The following FBXL18 variants were observed in gnomAD, a reference collection of about 807,000 sequenced individuals.
FBXL18 encodes the protein F-box/LRR-repeat protein 18.
Under a neutral mutation model 46.0 loss-of-function variants are expected in FBXL18, and 36 were observed. The observed-to-expected ratio is 0.78, with a 90% CI of 0.60 to 1.03. FBXL18 has a LOEUF of 1.03. Among genes scored for constraint, FBXL18 ranks in the 50% least tolerant of loss-of-function variants. The probability of loss-of-function intolerance (pLI) is 0.00; values close to 1 mark genes in which losing one functional copy is unlikely to be tolerated. For synonymous variants in FBXL18, 557 were observed against 465.3 expected, an observed-to-expected ratio of 1.20 and a Z score of -2.54; for missense variants, 977 against 1,004.1, an observed-to-expected ratio of 0.97 and a Z score of 0.36.
chr7:5,506,379 C>G lies in FBXL18; in HGVS notation c.19-749G>C, dbSNP rs188483975. On this transcript the variant is annotated intron_variant, in intron 1 of 4. Coordinates refer to ENST00000382368, the MANE Select transcript of FBXL18 (RefSeq NM_024963.6). ...TTCTCCTGGCTCAGCCTCCCAAGTA[C>G]GTGGGATTACAGGCGACTGCCACCA... Among the ~76,000 whole-genome samples the G allele has an allele frequency of 2.0e-4, 31 of 151,796 alleles. No individual in the cohort carries two copies. The South Asian group carries it at 3.9e-3, about 19-fold the overall frequency.
In FBXL18 at chr7:5,468,173, C is replaced by T. The variant is rs904528179; in HGVS notation, c.2001-20330G>A. On this transcript the variant is annotated intron_variant and NMD_transcript_variant, in intron 4 of 6. Coordinates refer to the FBXL18 transcript ENST00000415009. ...AATTTTTCTGTATTTTTAGTAGAGA[C>T]GGGGTTTCACCGTGTTAGCCAGGAT... Among the ~76,000 whole-genome samples the T allele has an allele frequency of 6.6e-5, 10 of 152,042 alleles. No individual in the cohort carries two copies. The East Asian group carries it at 7.7e-4, about 12-fold the overall frequency.
At chr7:5,513,347 G>A (rs1384833986) in intron 1 of FBXL18, among the ~76,000 whole-genome samples, 2 of 152,126 alleles carry the variant, frequency 1.3e-5, no homozygotes, top group East Asian at 1.9e-4. Flanking sequence ...CAAGGAACCG[G>A]GGCACTGAGA....
chr7:5,482,927 A>T (rs1049823534), intron 4 of FBXL18, among the ~76,000 whole-genome samples: 24 of 151,916 alleles, frequency 1.6e-4, no homozygotes, highest in Non-Finnish European at 3.1e-4. Flanking sequence ...CACCTCAGCT[A>T]CTTGGGAGGC....
intron 3 of FBXL18, among the ~76,000 whole-genome samples, chr7:5,493,655 T>TTGTG (rs150913470): frequency 4.1e-5 from 6 of 144,924 alleles, no homozygotes; most frequent in African/African-American, 5.1e-5. Flanking sequence ...TTATTTACTT[T>TTGTG]TGTGTGTGTG....
rs1272731012 is a variant in FBXL18 at position 5,491,290 on chromosome 7, G to A, written c.1941C>T (p.His647=). 31 of 1,613,026 alleles carry A rather than the reference G, an allele frequency of 1.9e-5. No homozygotes were observed. Among genetic ancestry groups the A allele is most frequent in the Non-Finnish European group, 2.5e-5 (29 of 1,179,914 alleles). The change falls in exon 4 of 5, where the codon CAC becomes CAT. Residue 647 remains histidine (H), a synonymous_variant. Transcript: ENST00000382368. ...TGGCGAGGGACTCCCCGGTGAACAG[G>A]TGGCACATGACAACCTGCAGGCAGC... The part of the protein sequence containing the change: ...MARCLQVVMC[H]LFTGESLATC...
At chr7:5,475,041 A>G (rs1783487764), downstream of FBXL18, among the ~76,000 whole-genome samples, 1 of 143,800 alleles carries the variant, frequency 7.0e-6, no homozygotes, top group African/African-American at 2.5e-5. The surrounding 1 kb of genome is among the most constrained non-coding windows in gnomAD (Gnocchi z 4.2). Context: ...AAGATGGTCC[A>G]GGCCTGGTGG....
At chr7:5,508,003 T>A (rs941407148) in intron 1 of FBXL18, among the ~76,000 whole-genome samples, 2 of 151,020 alleles carry the variant, frequency 1.3e-5, no homozygotes, top group African/African-American at 2.4e-5. Flanking sequence ...ACGTGGTGGC[T>A]CACGCCTGTA....
In FBXL18 at chr7:5,500,976, G is replaced by A. The variant is rs769956139; in HGVS notation, c.1293C>T (p.Arg431=). The A allele has an allele frequency of 1.2e-5, 19 of 1,543,554 alleles. No homozygotes were observed. The highest frequency in any genetic ancestry group is 1.5e-5 in the Non-Finnish European group (17 of 1,151,584). ...CCGGCTGGGCGGGCGCGCGGTCGGC[G>A]CGCGGCGCGGAGTCAGCGACAGAGC... is the stretch of plus-strand genomic sequence containing the variant. The part of the protein sequence containing the change: ...PVCSVADSAP[R]ADRAPAQPAM... Residue 431 remains arginine (R), a synonymous_variant, in exon 3 of 5, where the codon CGC becomes CGT. Coordinates refer to ENST00000382368, the MANE Select transcript of FBXL18 (RefSeq NM_024963.6).
At chr7:5,493,516 C>T (rs1038136648) in intron 3 of FBXL18, among the ~76,000 whole-genome samples, 19 of 152,008 alleles carry the variant, frequency 1.2e-4, no homozygotes, top group Admixed American at 1.0e-3. Context: ...AGGATGGTCT[C>T]AATCTCCTGA....
chr7:5,467,299 C>A (rs768372942), intron 4 of FBXL18, among the ~76,000 whole-genome samples: 1 of 151,880 alleles, frequency 6.6e-6, no homozygotes, highest in Non-Finnish European at 1.5e-5. Flanking sequence ...TGCAGTGAGC[C>A]GAGATTGCGC....
At chr7:5,472,197 C>A (rs889962023), downstream of FBXL18, among the ~76,000 whole-genome samples, 2 of 152,278 alleles carry the variant, frequency 1.3e-5, no homozygotes. Flanking sequence ...GCACGCCCCT[C>A]AGCAAGGCCA....
chr7:5,496,665 T>A lies in FBXL18; in HGVS notation c.1781+3823A>T, dbSNP rs773047716. On this transcript the variant is annotated intron_variant, in intron 3 of 4. Transcript: ENST00000382368. This position sits in a 1 kb window ranked among gnomAD's most constrained non-coding sequence, Gnocchi z 4.8. Reference sequence around the variant, plus strand: ...GGGCGGCCCAGGCAAGAGGATCACTTGAGCCCAGGAGTTCAAGACCAGCCC... The same window carrying A: ...GGGCGGCCCAGGCAAGAGGATCACTAGAGCCCAGGAGTTCAAGACCAGCCC... 3.9e-5 allele frequency among the ~76,000 whole-genome samples: 6 copies of A among 152,122 alleles called. No homozygotes were observed. Among genetic ancestry groups the A allele is most frequent in the African/African-American group, 1.2e-4 (5 of 41,418 alleles).
At chr7:5,474,968 A>G (rs564190444), downstream of FBXL18, among the ~76,000 whole-genome samples, 565 of 145,872 alleles carry the variant, frequency 3.9e-3, 3 homozygotes, top group African/African-American at 0.013. Flanking sequence ...TCGGCCTCCC[A>G]AAGTGCTGGG....
intron 4 of FBXL18, chr7:5,490,282 G>C: frequency 8.0e-7 from 1 of 1,245,988 alleles, no homozygotes; most frequent in Non-Finnish European, 1.0e-6. Flanking sequence ...GCCTCTCTCA[G>C]GAGCCCTGAT....
In FBXL18 at chr7:5,478,795, C is replaced by G. The variant is rs1783576175; in HGVS notation, c.*2980G>C. The G allele has an allele frequency of 6.6e-6, 1 of 151,978 alleles. No homozygotes were observed. The highest frequency in any genetic ancestry group is 2.4e-5 in the African/African-American group (1 of 41,298). The allele number at this position is 151,978 out of a possible 1,614,324, so 9.4% of individuals were successfully genotyped here. A position where few individuals can be genotyped will look rare whatever the true frequency, so the allele number is the denominator to read the frequency against. ...ATGTACACACAGGCACACGTGCACG[C>G]AGGCACACGCATGCAGGCACATGTG... On this transcript the variant is annotated 3_prime_UTR_variant, in exon 5 of 5. Coordinates refer to ENST00000382368, the MANE Select transcript of FBXL18 (RefSeq NM_024963.6).
rs546716548 is a variant in FBXL18 at position 5,481,448 on chromosome 7, C to G, written c.*327G>C. On this transcript the variant is annotated 3_prime_UTR_variant, in exon 5 of 5. Coordinates refer to ENST00000382368, the MANE Select transcript of FBXL18 (RefSeq NM_024963.6). Reference sequence around the variant, plus strand: ...GCAGGGGGTTCGGGCCCTCCAGGCCCGTGGACAGGGCCCCCAGGGATTGCG... The same window carrying G: ...GCAGGGGGTTCGGGCCCTCCAGGCCGGTGGACAGGGCCCCCAGGGATTGCG... 1 of 242,544 alleles carries G rather than the reference C, an allele frequency of 4.1e-6. No homozygotes were observed. The highest frequency in any genetic ancestry group is 8.2e-6 in the Non-Finnish European group (1 of 121,714). The allele number at this position is 242,544 out of a possible 1,614,324, so 15.0% of individuals were successfully genotyped here.
rs1306780928 is a variant in FBXL18 at position 5,500,412 on chromosome 7, C to A, written c.1781+76G>T. On this transcript the variant is annotated intron_variant, in intron 3 of 4. Coordinates refer to ENST00000382368, the MANE Select transcript of FBXL18 (RefSeq NM_024963.6). ...CACTCCTGGAGGGCAGGCCAGCCAC[C>A]GAACTCCACGCGAACGCCCCAGTTC... 5.8e-6 allele frequency: 8 copies of A among 1,378,344 alleles called. No individual in the cohort carries two copies. In the East Asian group the frequency reaches 1.6e-4, roughly 28 times the overall value. The allele number at this position is 1,378,344 out of a possible 1,614,324, so 85.4% of individuals were successfully genotyped here. A position where few individuals can be genotyped will look rare whatever the true frequency, so the allele number is the denominator to read the frequency against.
chr7:5,489,878 G>C, intron 4 of FBXL18: 1 of 699,260 alleles, frequency 1.4e-6, no homozygotes. Flanking sequence ...CCAGAAAGCA[G>C]AGGTTGCAGT....
chr7:5,489,109 C>A lies in FBXL18; in HGVS notation c.2000+2122G>T, dbSNP rs1437866776. ...AAAGCAAAGTCGAGGACACAGTGAC[C>A]GTGTTTTTAAAACCGCCATGAACCA... On this transcript the variant is annotated intron_variant, in intron 4 of 4. Coordinates refer to ENST00000382368, the MANE Select transcript of FBXL18 (RefSeq NM_024963.6). 2.5e-5 allele frequency: 9 copies of A among 360,136 alleles called. No homozygotes were observed. The Admixed American group carries it at 2.6e-4, about 10-fold the overall frequency. 22.3% of individuals were successfully genotyped at this position (360,136 alleles called of 1,614,324 possible).
Sources: gnomAD v4.1 joint callset for allele counts (sites outside exome capture counted in the v4.1 genomes callset) on GRCh38, gnomAD v4.1.1 for gene constraint, Gnocchi (gnomAD v3.1) non-coding constraint, MANE v1.5 for transcripts, NCBI Gene and HGNC (gene_info 2026-07-23, HGNC 2026-07-21) for gene names.